TAFA1: variants seen among roughly 807,000 people sequenced by gnomAD.
TAFA1 encodes the protein TAFA chemokine like family member 1.
A neutral mutation model predicts 18.5 loss-of-function variants in TAFA1; 4 were observed. The observed-to-expected ratio is 0.22, with a 90% confidence interval of 0.11 to 0.49. TAFA1 has a LOEUF of 0.49. TAFA1 is among the 20% of genes least tolerant of loss of function. The pLI, the probability that TAFA1 is intolerant of heterozygous loss-of-function variation, is 0.98. For synonymous variants in TAFA1, 56 were observed against 55.2 expected, an observed-to-expected ratio of 1.01 and a Z score of -0.06; for missense variants, 147 against 169.0, an observed-to-expected ratio of 0.87 and a Z score of 0.72.
At chr3:68,044,951 A>G (rs983647333) in intron 2 of TAFA1, among the ~76,000 whole-genome samples, 1 of 152,186 alleles carries the variant, frequency 6.6e-6, no homozygotes, top group African/African-American at 2.4e-5. Flanking sequence ...TGCTGTGTGG[A>G]AAGATACCCA....
intron 2 of TAFA1, among the ~76,000 whole-genome samples, chr3:68,271,616 G>T (rs2067671244): frequency 6.6e-6 from 1 of 152,102 alleles, no homozygotes; most frequent in Non-Finnish European, 1.5e-5. Context: ...TTGCAACAAA[G>T]TTATGATGTT....
chr3:68,322,307 T>C (rs185517057), intron 2 of TAFA1, among the ~76,000 whole-genome samples: 1 of 152,380 alleles, frequency 6.6e-6, no homozygotes, highest in Admixed American at 6.5e-5. Context: ...TTAAGTAAAA[T>C]TAATGCTTCT....
intron 2 of TAFA1, among the ~76,000 whole-genome samples, chr3:68,108,003 T>G (rs775733214): frequency 6.6e-6 from 1 of 152,038 alleles, no homozygotes; most frequent in Non-Finnish European, 1.5e-5. Flanking sequence ...AACGTATGGG[T>G]GAGGAAGTGC....
intron 2 of TAFA1, among the ~76,000 whole-genome samples, chr3:68,157,307 A>G (rs2106932651): frequency 6.6e-6 from 1 of 152,324 alleles, no homozygotes; most frequent in East Asian, 1.9e-4. Context: ...ATGATCTTAA[A>G]TCAGAAAGCA....
chr3:68,539,571 C>G (rs192533173), intron 4 of TAFA1, among the ~76,000 whole-genome samples: 1 of 151,442 alleles, frequency 6.6e-6, no homozygotes, highest in East Asian at 1.9e-4. Context: ...ATTATATATC[C>G]ACTAATAAAA....
intron 3 of TAFA1, among the ~76,000 whole-genome samples, chr3:68,507,473 T>C (rs1393604439): frequency 6.6e-6 from 1 of 152,046 alleles, no homozygotes; most frequent in Non-Finnish European, 1.5e-5. Flanking sequence ...AAACAGTTGA[T>C]TAAAACTAGC....
At chr3:68,196,572 T>C (rs377222210) in intron 2 of TAFA1, among the ~76,000 whole-genome samples, 3 of 151,874 alleles carry the variant, frequency 2.0e-5, no homozygotes, top group East Asian at 2.0e-4. Context: ...CCCAGAGTAT[T>C]GCATATAGGG....
chr3:68,221,471 C>T (rs916081897), intron 2 of TAFA1, among the ~76,000 whole-genome samples: 3 of 152,072 alleles, frequency 2.0e-5, no homozygotes, highest in African/African-American at 7.2e-5. Flanking sequence ...AATAGGGTGG[C>T]TTGTAAGGTG....
intron 2 of TAFA1, among the ~76,000 whole-genome samples, chr3:68,068,918 T>C (rs1462363823): frequency 1.3e-5 from 2 of 152,210 alleles, no homozygotes; most frequent in East Asian, 1.9e-4. Context: ...TATTATTGTA[T>C]GTGCATAGAC....
chr3:68,158,699 G>T (rs1387174838), intron 2 of TAFA1, among the ~76,000 whole-genome samples: 1 of 151,954 alleles, frequency 6.6e-6, no homozygotes, highest in Non-Finnish European at 1.5e-5. Flanking sequence ...GCCTCACTTT[G>T]TGATGACCTT....
chr3:68,224,506 C>T (rs934359528), intron 2 of TAFA1, among the ~76,000 whole-genome samples: 1 of 152,122 alleles, frequency 6.6e-6, no homozygotes, highest in Non-Finnish European at 1.5e-5. Flanking sequence ...TCTAGAAATC[C>T]AGAAACTAGA....
At chr3:67,992,707 G>C in the TAFA1 span, among the ~76,000 whole-genome samples, 1 of 152,190 alleles carries the variant, frequency 6.6e-6, no homozygotes, top group African/African-American at 2.4e-5. Flanking sequence ...GCAAACCATA[G>C]TCTGTAACCT....
At chr3:68,316,774 T>C (rs1268540642) in intron 2 of TAFA1, among the ~76,000 whole-genome samples, 1 of 152,208 alleles carries the variant, frequency 6.6e-6, no homozygotes, top group African/African-American at 2.4e-5. Context: ...AGGTGTTGAA[T>C]GAGTTGGTGA....
At chr3:68,359,973 T>C (rs148581140) in intron 2 of TAFA1, among the ~76,000 whole-genome samples, 1 of 152,012 alleles carries the variant, frequency 6.6e-6, no homozygotes, top group Non-Finnish European at 1.5e-5. Context: ...AGATATTATA[T>C]GAAGTGGGGT....
intron 2 of TAFA1, among the ~76,000 whole-genome samples, chr3:68,346,025 C>T (rs1332204079): frequency 6.6e-6 from 1 of 152,118 alleles, no homozygotes; most frequent in Non-Finnish European, 1.5e-5. Context: ...CTTTTTTTTA[C>T]ACTGTTTCCT....
chr3:68,394,267 G>A (rs552948645), intron 2 of TAFA1, among the ~76,000 whole-genome samples: 1 of 152,074 alleles, frequency 6.6e-6, no homozygotes, highest in Non-Finnish European at 1.5e-5. Flanking sequence ...CTTCTTCAGG[G>A]AGAACTACAA....
chr3:68,260,758 C>T (rs527671831), intron 2 of TAFA1, among the ~76,000 whole-genome samples: 19 of 152,136 alleles, frequency 1.2e-4, no homozygotes, highest in East Asian at 1.9e-4. Context: ...ACACCTTATA[C>T]GAAAATCAAT....
chr3:68,020,440 C>A lies in TAFA1; in HGVS notation c.118+13696C>A, dbSNP rs140123137. Among the ~76,000 whole-genome samples the A allele has an allele frequency of 2.8e-4, 43 of 151,794 alleles. 1 individual carries two copies. The highest frequency in any genetic ancestry group is 9.4e-4 in the African/African-American group (39 of 41,490). ...GGGGGTTTGTAAAACCCCTACCTTG[C>A]CAGCTTAAGTAAGACATAGCGATAA... On this transcript the variant is annotated intron_variant, in intron 2 of 4. Coordinates refer to ENST00000478136, the MANE Select transcript of TAFA1 (RefSeq NM_213609.4).
intron 2 of TAFA1, among the ~76,000 whole-genome samples, chr3:68,121,531 G>C (rs937155567): frequency 6.6e-6 from 1 of 152,118 alleles, no homozygotes; most frequent in Non-Finnish European, 1.5e-5. Context: ...GAATGTACAG[G>C]CTGTAGTTGA....
Sources: gnomAD v4.1 joint callset for allele counts (sites outside exome capture counted in the v4.1 genomes callset) on GRCh38, gnomAD v4.1.1 for gene constraint, MANE v1.5 for transcripts, NCBI Gene and HGNC (gene_info 2026-07-23, HGNC 2026-07-21) for gene names.